Variants in GNA12 observed in about 807,000 individuals in gnomAD.
GNA12 encodes the protein G protein subunit alpha 12, also known as guanine nucleotide-binding protein subunit alpha-12.
In GNA12, 9 loss-of-function variants were observed where a neutral mutation model predicts 26.0. That is an observed-to-expected ratio of 0.35 (90% CI 0.21 to 0.60). The LOEUF (loss-of-function observed/expected upper bound fraction) is 0.60. GNA12 is among the 20% of genes least tolerant of loss of function. GNA12 has a pLI of 0.78. For missense variants in GNA12, 405 were observed against 525.8 expected, an observed-to-expected ratio of 0.77 and a Z score of 2.25; for synonymous variants, 264 against 219.6, an observed-to-expected ratio of 1.20 and a Z score of -1.79.
intron 1 of GNA12, chr7:2,814,286 G>C (rs375379322): frequency 1.7e-6 from 2 of 1,187,736 alleles, no homozygotes; most frequent in Non-Finnish European, 2.5e-6. Context: ...ATCTGTGGCC[G>C]AGGAGTTGAA....
chr7:2,787,954 G>C (rs1225619198), intron 2 of GNA12, among the ~76,000 whole-genome samples: 1 of 152,166 alleles, frequency 6.6e-6, no homozygotes, highest in Non-Finnish European at 1.5e-5. Context: ...AAGAGTTGGA[G>C]ACCAGCATGG....
chr7:2,801,953 C>G (rs900184232), intron 1 of GNA12, among the ~76,000 whole-genome samples: 3 of 151,998 alleles, frequency 2.0e-5, no homozygotes, highest in Admixed American at 1.3e-4. Context: ...ACACTTTTAC[C>G]ATTGTTATAT....
intron 1 of GNA12, among the ~76,000 whole-genome samples, chr7:2,816,012 C>G (rs1290348615): frequency 6.6e-6 from 1 of 152,268 alleles, no homozygotes; most frequent in Non-Finnish European, 1.5e-5. Context: ...CCCAGCAACT[C>G]TGCGTCTAAG....
intron 2 of GNA12, among the ~76,000 whole-genome samples, chr7:2,773,974 A>C (rs1196188180): frequency 3.3e-5 from 5 of 152,232 alleles, no homozygotes; most frequent in Non-Finnish European, 7.3e-5. Context: ...GAACCGCACA[A>C]AACGAAATGG....
intron 2 of GNA12, among the ~76,000 whole-genome samples, chr7:2,788,497 A>G (rs1792423519): frequency 6.6e-6 from 1 of 152,226 alleles, no homozygotes; most frequent in African/African-American, 2.4e-5. Flanking sequence ...ACTTATATTC[A>G]CAACTTAGTT....
chr7:2,806,300 G>A (rs1365040641), intron 1 of GNA12, among the ~76,000 whole-genome samples: 2 of 151,994 alleles, frequency 1.3e-5, no homozygotes, highest in Non-Finnish European at 2.9e-5. Context: ...CCAACATGGT[G>A]AAACCCTATC....
intron 2 of GNA12, among the ~76,000 whole-genome samples, chr7:2,735,989 G>A (rs1478434939): frequency 3.3e-5 from 5 of 152,142 alleles, no homozygotes; most frequent in Non-Finnish European, 5.9e-5. Flanking sequence ...GTGCACTGCG[G>A]TTCACCAACA....
At chr7:2,842,945 G>A (rs971441163) in intron 1 of GNA12, among the ~76,000 whole-genome samples, 4 of 152,200 alleles carry the variant, frequency 2.6e-5, no homozygotes, top group African/African-American at 9.6e-5. Context: ...TAGTTGGGCT[G>A]TAGGTACTTT....
chr7:2,814,829 C>T (rs1219695182), intron 1 of GNA12: 1 of 1,570,718 alleles, frequency 6.4e-7, no homozygotes, highest in South Asian at 1.2e-5. Flanking sequence ...TTCCTGTGCT[C>T]CCGACAGCAC....
intron 2 of GNA12, among the ~76,000 whole-genome samples, chr7:2,755,890 C>T (rs1791270153): frequency 6.6e-6 from 1 of 152,170 alleles, no homozygotes; most frequent in Non-Finnish European, 1.5e-5. Context: ...GTTGTTTATG[C>T]TCCCCAAATT....
chr7:2,827,659 G>T (rs574505047), intron 1 of GNA12, among the ~76,000 whole-genome samples: 1 of 152,288 alleles, frequency 6.6e-6, no homozygotes, highest in African/African-American at 2.4e-5. Context: ...GTGACACCAG[G>T]ACATGACTTA....
At chr7:2,817,513 A>G (rs749123140) in intron 1 of GNA12, among the ~76,000 whole-genome samples, 1 of 151,024 alleles carries the variant, frequency 6.6e-6, no homozygotes, top group Non-Finnish European at 1.5e-5. Flanking sequence ...GCCCTCACTC[A>G]CTCTGCTCTG....
chr7:2,840,121 C>T (rs73033408), intron 1 of GNA12, among the ~76,000 whole-genome samples: 14,228 of 152,138 alleles, frequency 0.094, 836 homozygotes, highest in Middle Eastern at 0.17. Context: ...ACTGTATCGA[C>T]GTCAATATCC....
intron 1 of GNA12, chr7:2,815,061 T>C: frequency 6.8e-7 from 1 of 1,463,244 alleles, no homozygotes; most frequent in Non-Finnish European, 9.1e-7. Context: ...GCCGCCACTG[T>C]GGCAGGCTCC....
intron 2 of GNA12, among the ~76,000 whole-genome samples, chr7:2,789,779 ATG>A (rs1290797946): frequency 6.6e-6 from 1 of 151,954 alleles, no homozygotes; most frequent in Non-Finnish European, 1.5e-5. Flanking sequence ...CCTGGTGGTG[ATG>A]TGTGTGTGTG....
intron 2 of GNA12, among the ~76,000 whole-genome samples, chr7:2,770,040 A>T (rs2115419442): frequency 6.6e-6 from 1 of 152,344 alleles, no homozygotes; most frequent in African/African-American, 2.4e-5. Flanking sequence ...GATCATAGTG[A>T]CATGCAGAGC....
chr7:2,795,274 C>T, intron 1 of GNA12, 131 bp from the exon 2 acceptor site: 1 of 695,054 alleles, frequency 1.4e-6, no homozygotes, highest in Non-Finnish European at 2.5e-6. Flanking sequence ...CAGCCTGAGT[C>T]TGTCTCTTGG....
At chr7:2,843,579 C>T (rs533971452) in intron 1 of GNA12, among the ~76,000 whole-genome samples, 1 of 151,680 alleles carries the variant, frequency 6.6e-6, no homozygotes, top group Non-Finnish European at 1.5e-5. Flanking sequence ...CCTGGGAGGT[C>T]GAGGCTGCAG....
At chr7:2,774,925 A>G (rs1792040468) in intron 2 of GNA12, among the ~76,000 whole-genome samples, 1 of 152,212 alleles carries the variant, frequency 6.6e-6, no homozygotes, top group South Asian at 2.1e-4. Context: ...TATGAGAGTC[A>G]ATATTAATAA....
Sources: gnomAD v4.1 joint callset for allele counts (sites outside exome capture counted in the v4.1 genomes callset) on GRCh38, gnomAD v4.1.1 for gene constraint, MANE v1.5 for transcripts, NCBI Gene and HGNC (gene_info 2026-07-23, HGNC 2026-07-21) for gene names.